DNAH9: variants seen among roughly 807,000 people sequenced by gnomAD.
DNAH9 encodes dynein axonemal heavy chain 9, also known as DNAH9 variant protein.
Under a neutral mutation model 471.6 loss-of-function variants are expected in DNAH9, and 345 were observed. The ratio of observed to expected loss-of-function variants is 0.73; its 90% CI spans 0.67 to 0.80. The LOEUF (loss-of-function observed/expected upper bound fraction) is 0.80, where lower values mean the gene tolerates loss of function less well. DNAH9 is among the 30% of genes least tolerant of loss of function. DNAH9 has a pLI of 0.00. For synonymous variants in DNAH9, 2,093 were observed against 2,123.6 expected (o/e 0.99, Z 0.40); for missense variants, 5,407 against 5,609.2 (o/e 0.96, Z 1.15).
At chr17:11,682,679 A>G (rs1442459986) in intron 19 of DNAH9, among the ~76,000 whole-genome samples, 2 of 152,122 alleles carry the variant, frequency 1.3e-5, no homozygotes, top group Non-Finnish European at 2.9e-5. Context: ...AGAGATTTTA[A>G]AACTCCCAAT....
intron 68 of DNAH9, among the ~76,000 whole-genome samples, chr17:11,968,676 T>C (rs1161188076): frequency 3.3e-5 from 5 of 152,216 alleles, no homozygotes; most frequent in African/African-American, 9.7e-5. Flanking sequence ...AAGGGAGACT[T>C]TGGCTCCGCA....
intron 45 of DNAH9, among the ~76,000 whole-genome samples, chr17:11,819,128 C>T (rs1433732290): frequency 6.6e-6 from 1 of 152,044 alleles, no homozygotes; most frequent in Non-Finnish European, 1.5e-5. Flanking sequence ...CTTGAAGTGA[C>T]AGCCAAGCAA....
At chr17:11,953,917 T>TA (rs1345302244) in intron 67 of DNAH9, 2 of 151,990 alleles carry the variant, frequency 1.3e-5, no homozygotes, top group Admixed American at 1.3e-4. Context: ...AGATATTTAT[T>TA]AAAAGACGCA....
chr17:11,869,072 A>C (rs1375996960), intron 50 of DNAH9, 62 bp from the exon 51 acceptor site: 1 of 1,584,648 alleles, frequency 6.3e-7, no homozygotes, highest in East Asian at 2.2e-5. Context: ...CCCTCATCTA[A>C]TGAGCACTGG....
intron 19 of DNAH9, among the ~76,000 whole-genome samples, chr17:11,688,173 G>A (rs574749551): frequency 3.4e-5 from 5 of 148,070 alleles, no homozygotes; most frequent in East Asian, 2.1e-4. Flanking sequence ...ATGCAGGAAC[G>A]CATGCTTTGC....
At chr17:11,698,446 A>C (rs1039447255) in intron 22 of DNAH9, among the ~76,000 whole-genome samples, 1 of 148,824 alleles carries the variant, frequency 6.7e-6, no homozygotes, top group Non-Finnish European at 1.5e-5. Context: ...CTCCTTTTAA[A>C]TTTTGGGATA....
chr17:11,769,960 C>T (rs1968134592), intron 38 of DNAH9, among the ~76,000 whole-genome samples: 1 of 152,234 alleles, frequency 6.6e-6, no homozygotes, highest in African/African-American at 2.4e-5. Context: ...ACTAAAACAG[C>T]TTTGTTTTGG....
intron 19 of DNAH9, among the ~76,000 whole-genome samples, chr17:11,684,852 C>T (rs187514782): frequency 3.3e-5 from 5 of 152,360 alleles, no homozygotes; most frequent in Admixed American, 3.3e-4. Flanking sequence ...TGCACAGTGT[C>T]TGCTGTCTCT....
At chr17:11,612,026 C>T (rs1023888731) in intron 4 of DNAH9, 35 of 602,638 alleles carry the variant, frequency 5.8e-5, no homozygotes, top group South Asian at 3.0e-4. Context: ...AGCTTTAGTA[C>T]GTGTGTTGGT....
Position 11,768,493 on chromosome 17 carries a change from C to G in DNAH9, c.7211C>G (p.Thr2404Ser). Residue 2404 changes from threonine (T) to serine (S), a missense_variant, in exon 37 of 69, where the codon ACT (threonine) becomes AGT (serine). Thr to Ser is a moderately conservative substitution (Grantham distance 58, BLOSUM62 1). Around this residue, in one of 3 missense-constraint regions of DNAH9, gnomAD observed 4,636 missense variants for 4,900.3 expected, o/e 0.95. Transcript: ENST00000262442. ...YRAEFSKWWL[T>S]EFKTVKFPSQ... is the part of the protein sequence containing the mutation. ...GCAGAGTTCAGCAAATGGTGGCTGA[C>G]TGAGTTCAAAACAGTCAAGTTTCCT... 2 of 1,614,146 alleles carry G rather than the reference C, an allele frequency of 1.2e-6. No individual in the cohort carries two copies. The highest frequency in any genetic ancestry group is 1.3e-5 in the African/African-American group (1 of 75,064).
Position 11,610,325 on chromosome 17 carries a change from C to G in DNAH9, c.615-71C>G. The G allele has an allele frequency of 2.3e-6, 3 of 1,301,886 alleles. No homozygotes were observed. The South Asian group carries it at 4.0e-5, about 17-fold the overall frequency. The allele number at this position is 1,301,886 out of a possible 1,614,324, so 80.6% of individuals were successfully genotyped here. ...ATTTGGGATTCTGTCTTGGGGTACACCCAGGGTTATTTTCACGCCTCAGGG... is the reference window on the plus strand; with the variant it reads ...ATTTGGGATTCTGTCTTGGGGTACAGCCAGGGTTATTTTCACGCCTCAGGG... On this transcript the variant is annotated intron_variant, in intron 2 of 68. Transcript: ENST00000262442.
intron 17 of DNAH9, among the ~76,000 whole-genome samples, chr17:11,672,153 G>A (rs990090390): frequency 5.3e-5 from 8 of 152,114 alleles, no homozygotes; most frequent in Non-Finnish European, 1.2e-4. Context: ...TTGCATTTTA[G>A]ATACTTCATT....
chr17:11,960,912 G>A (rs1042739528), intron 67 of DNAH9, among the ~76,000 whole-genome samples: 1 of 152,214 alleles, frequency 6.6e-6, no homozygotes, highest in African/African-American at 2.4e-5. Flanking sequence ...ACAGCCAAAC[G>A]CTGTCAGGTG....
intron 11 of DNAH9, 122 bp downstream of exon 11, chr17:11,644,821 T>C (rs1286353310): frequency 5.8e-6 from 4 of 690,086 alleles, no homozygotes; most frequent in Non-Finnish European, 7.4e-6. Context: ...TTTTATGTTA[T>C]AACCACGATA....
chr17:11,669,088 T>G lies in DNAH9; in HGVS notation c.2756T>G (p.Ile919Arg). The change falls in exon 16 of 69, where the codon ATA becomes AGA. Residue 919 changes from isoleucine to arginine, a missense_variant. This residue lies in a region of DNAH9 where 4,636 missense variants were observed against 4,900.3 expected (regional missense o/e 0.95). Transcript: ENST00000262442. ...NTECKAGLTP[I>R]FEAQLSLAIP... ...GAGTGTAAGGCAGGACTTACCCCAA[T>G]ATTTGAAGCACAACTGAGTCTAGCC... 1 of 1,613,518 alleles carries G rather than the reference T, an allele frequency of 6.2e-7. No individual in the cohort carries two copies. The highest frequency in any genetic ancestry group is 8.5e-7 in the Non-Finnish European group (1 of 1,179,620).
At chr17:11,705,244 G>A in intron 26 of DNAH9, 59 bp downstream of exon 26, 1 of 1,476,130 alleles carries the variant, frequency 6.8e-7, no homozygotes, top group Non-Finnish European at 9.4e-7. Context: ...GCCAGCTAGT[G>A]GGCATCTAGG....
rs373800220 is a variant in DNAH9 at position 11,705,139 on chromosome 17, T to C, written c.5506T>C (p.Tyr1836His). ...TGCCCAGTTTTTGTATTCCTATGAG[T>C]ACCTGGGAAACACACCTCGCTTGGT... Reference protein sequence around the residue: ...CDAQFLYSYEYLGNTPRLVIT... With the variant: ...CDAQFLYSYEHLGNTPRLVIT... The change falls in exon 26 of 69, where the codon TAC (tyrosine) becomes CAC (histidine). Residue 1836 changes from tyrosine (Y) to histidine (H), a missense_variant. Transcript: ENST00000262442. The C allele has an allele frequency of 1.9e-6, 3 of 1,614,010 alleles. No individual in the cohort carries two copies. The highest frequency in any genetic ancestry group is 2.7e-5 in the African/African-American group (2 of 74,924).
intron 45 of DNAH9, among the ~76,000 whole-genome samples, chr17:11,812,026 AATATATAT>A (rs1555601078): frequency 4.4e-4 from 16 of 36,750 alleles, no homozygotes; most frequent in East Asian, 7.3e-4. Flanking sequence ...AAAAAAAAAA[AATATATAT>A]ATATATATAT....
chr17:11,606,448 C>CTTTTTTTTTTTTTTT (rs1156988834), intron 1 of DNAH9, among the ~76,000 whole-genome samples: 7 of 97,030 alleles, frequency 7.2e-5, no homozygotes, highest in African/African-American at 2.6e-4. Context: ...CTTTTCTTTT[C>CTTTTTTTTTTTTTTT]TTTTCTTTTT....
Sources: gnomAD v4.1 joint callset for allele counts (sites outside exome capture counted in the v4.1 genomes callset) on GRCh38, gnomAD v4.1.1 for gene constraint, gnomAD v4.1.1 regional missense constraint, MANE v1.5 for transcripts, NCBI Gene and HGNC (gene_info 2026-07-23, HGNC 2026-07-21) for gene names.